Variants in GSK3B observed in about 807,000 individuals in gnomAD.
The protein encoded by GSK3B is glycogen synthase kinase 3 beta, also known as glycogen synthase kinase-3 beta.
A neutral mutation model predicts 56.4 loss-of-function variants in GSK3B; 15 were observed. That is an observed-to-expected ratio of 0.27 (90% CI 0.18 to 0.41). The LOEUF (loss-of-function observed/expected upper bound fraction) is 0.41, where lower values mean the gene tolerates loss of function less well. GSK3B is among the 10% of genes least tolerant of loss of function. GSK3B has a pLI of 1.00. For synonymous variants in GSK3B, 181 were observed against 188.9 expected (o/e 0.96, Z 0.34); for missense variants, 300 against 513.4 (o/e 0.58, Z 4.02).
At chr3:119,850,510 G>A (rs149032738) in intron 9 of GSK3B, among the ~76,000 whole-genome samples, 1 of 152,130 alleles carries the variant, frequency 6.6e-6, no homozygotes, top group Non-Finnish European at 1.5e-5. Context: ...TCTTGCCACT[G>A]TAAGTCCACA....
intron 8 of GSK3B, among the ~76,000 whole-genome samples, chr3:119,867,559 T>C (rs2056199986): frequency 6.6e-6 from 1 of 152,066 alleles, no homozygotes; most frequent in Non-Finnish European, 1.5e-5. Flanking sequence ...AAACAAAATA[T>C]ATAAAATTAA....
intron 1 of GSK3B, among the ~76,000 whole-genome samples, chr3:120,007,128 TA>T (rs1354273388): frequency 6.6e-5 from 10 of 152,226 alleles, no homozygotes; most frequent in African/African-American, 2.4e-4. Context: ...GAGAATACTA[TA>T]AACACCTCTA....
intron 3 of GSK3B, among the ~76,000 whole-genome samples, chr3:119,936,800 T>C (rs1348749732): frequency 6.6e-6 from 1 of 151,900 alleles, no homozygotes; most frequent in East Asian, 1.9e-4. Context: ...AGTTGGAGAC[T>C]TCAATATACC....
At chr3:119,975,666 G>A (rs941434976) in intron 2 of GSK3B, among the ~76,000 whole-genome samples, 1 of 152,138 alleles carries the variant, frequency 6.6e-6, no homozygotes, top group African/African-American at 2.4e-5. Flanking sequence ...TATTTTGTAT[G>A]ATACTCTAAT....
At chr3:120,073,608 A>T (rs1196853089) in intron 1 of GSK3B, among the ~76,000 whole-genome samples, 1 of 152,152 alleles carries the variant, frequency 6.6e-6, no homozygotes, top group Non-Finnish European at 1.5e-5. Context: ...ACACTACAAA[A>T]AGTAGAAGTT....
At chr3:119,878,289 A>C (rs1452218372) in intron 7 of GSK3B, among the ~76,000 whole-genome samples, 1 of 152,220 alleles carries the variant, frequency 6.6e-6, no homozygotes, top group Non-Finnish European at 1.5e-5. Flanking sequence ...AAGACAAACC[A>C]ATACAAATCA....
At chr3:119,905,039 CAATT>C (rs1342425036) in intron 7 of GSK3B, among the ~76,000 whole-genome samples, 5 of 149,656 alleles carry the variant, frequency 3.3e-5, no homozygotes, top group Non-Finnish European at 7.4e-5. Context: ...TTTAAAAACT[CAATT>C]AAAATCTCAG....
In GSK3B at chr3:119,825,857, C is replaced by CT. The variant is rs2055495556; in HGVS notation, c.*930dup. ...AACTTTAGAAAAAAATCTGGACAAA[C>CT]TTATTCACAGTGGTGAGATGTATCC... On this transcript the variant is annotated 3_prime_UTR_variant, in exon 11 of 11. Coordinates refer to ENST00000264235, the MANE Select transcript of GSK3B (RefSeq NM_001146156.2). The CT allele has an allele frequency of 9.1e-6, 2 of 218,678 alleles. No individual in the cohort carries two copies. Among genetic ancestry groups the CT allele is most frequent in the Admixed American group, 5.8e-5 (1 of 17,250 alleles). 13.5% of individuals were successfully genotyped at this position (218,678 alleles called of 1,614,324 possible).
In GSK3B at chr3:119,824,462, A is replaced by G. The variant is rs568337523; in HGVS notation, c.*2326T>C. 9.3e-6 allele frequency: 2 copies of G among 215,632 alleles called. No individual in the cohort carries two copies. Among genetic ancestry groups the G allele is most frequent in the African/African-American group, 2.2e-5 (1 of 44,446 alleles). The allele number at this position is 215,632 out of a possible 1,614,324, so 13.4% of individuals were successfully genotyped here. A position where few individuals can be genotyped will look rare whatever the true frequency, so the allele number is the denominator to read the frequency against. On this transcript the variant is annotated 3_prime_UTR_variant, in exon 11 of 11. Coordinates refer to ENST00000264235, the MANE Select transcript of GSK3B (RefSeq NM_001146156.2). ...CTAAAATAAGCACTGATTTTTATGG[A>G]CTCTGGGGAGTATACCACGTCCAGA...
intron 2 of GSK3B, among the ~76,000 whole-genome samples, chr3:119,973,848 G>A (rs1226047832): frequency 6.6e-6 from 1 of 152,044 alleles, no homozygotes; most frequent in African/African-American, 2.4e-5. Context: ...TGGGGGTCTT[G>A]GAACATACCC....
chr3:119,914,014 G>A (rs1297846784), intron 5 of GSK3B, among the ~76,000 whole-genome samples: 2 of 151,910 alleles, frequency 1.3e-5, no homozygotes, highest in South Asian at 2.1e-4. Context: ...AATTCATTAC[G>A]AGACAAAACG....
intron 10 of GSK3B, among the ~76,000 whole-genome samples, chr3:119,837,728 A>T (rs914073754): frequency 1.3e-5 from 2 of 151,872 alleles, no homozygotes; most frequent in African/African-American, 4.8e-5. Context: ...ATCTGAGCAG[A>T]TGCTCTCTAA....
chr3:119,840,494 G>C (rs888988675), intron 10 of GSK3B, among the ~76,000 whole-genome samples: 1 of 152,102 alleles, frequency 6.6e-6, no homozygotes, highest in African/African-American at 2.4e-5. Context: ...AAAGTGCTGG[G>C]ATTACAGGTG....
chr3:119,980,163 C>T (rs2057446769), intron 2 of GSK3B, among the ~76,000 whole-genome samples: 1 of 152,132 alleles, frequency 6.6e-6, no homozygotes, highest in Admixed American at 6.5e-5. Context: ...TTTCAGTTCA[C>T]GTGACCTTAA....
chr3:120,036,971 A>G (rs1486140555), intron 1 of GSK3B, among the ~76,000 whole-genome samples: 1 of 152,216 alleles, frequency 6.6e-6, no homozygotes, highest in Non-Finnish European at 1.5e-5. Context: ...AAAAAACAAA[A>G]CCTAACACTC....
intron 3 of GSK3B, among the ~76,000 whole-genome samples, chr3:119,941,651 G>A (rs1051575946): frequency 3.3e-5 from 5 of 152,110 alleles, no homozygotes; most frequent in African/African-American, 4.8e-5. Context: ...TATAAAAAGC[G>A]CAATATATAT....
In GSK3B at chr3:119,961,130, T is replaced by C. The variant is rs549587869; in HGVS notation, c.283-13779A>G. Among the ~76,000 whole-genome samples the C allele has an allele frequency of 1.1e-4, 16 of 152,194 alleles. No homozygotes were observed. In the South Asian group the frequency reaches 3.1e-3, roughly 30 times the overall value. On this transcript the variant is annotated intron_variant, in intron 2 of 10. Coordinates refer to ENST00000264235, the MANE Select transcript of GSK3B (RefSeq NM_001146156.2). ...AACACATGTAAAGGACTACTTCCCATTCCTGAGAATAGAGCTGTGATGTAC... is the reference window on the plus strand; with the variant it reads ...AACACATGTAAAGGACTACTTCCCACTCCTGAGAATAGAGCTGTGATGTAC...
intron 1 of GSK3B, among the ~76,000 whole-genome samples, chr3:120,028,546 T>A (rs2057948492): frequency 6.6e-6 from 1 of 152,196 alleles, no homozygotes; most frequent in Non-Finnish European, 1.5e-5. Flanking sequence ...ACTCTACACA[T>A]CCCTCTCATC....
Position 119,821,812 on chromosome 3 carries a change from A to AT in GSK3B, c.*4975dup, listed in dbSNP as rs1311579132. 1.8e-5 allele frequency: 3 copies of AT among 166,812 alleles called. No homozygotes were observed. The highest frequency in any genetic ancestry group is 7.1e-5 in the African/African-American group (3 of 41,992). 10.3% of individuals were successfully genotyped at this position (166,812 alleles called of 1,614,324 possible). The stretch of plus-strand genomic sequence containing the variant: ...TTGGAAAGAACAAGAAGTGGTATTG[A>AT]TATCTTGTTCTGTATAACAAAGATT... On this transcript the variant is annotated 3_prime_UTR_variant, in exon 11 of 11. Transcript: ENST00000264235.
Sources: gnomAD v4.1 joint callset for allele counts (sites outside exome capture counted in the v4.1 genomes callset) on GRCh38, gnomAD v4.1.1 for gene constraint, MANE v1.5 for transcripts, NCBI Gene and HGNC (gene_info 2026-07-23, HGNC 2026-07-21) for gene names.